Variants in RFT1 observed in about 807,000 individuals in gnomAD.
RFT1 encodes RFT1 glycolipid translocator homolog, also known as man(5)GlcNAc(2)-PP-dolichol translocation protein RFT1.
Under a neutral mutation model 62.2 loss-of-function variants are expected in RFT1, and 43 were observed. The ratio of observed to expected loss-of-function variants is 0.69; its 90% CI spans 0.54 to 0.89. The LOEUF (loss-of-function observed/expected upper bound fraction) is 0.89. Among genes scored for constraint, RFT1 ranks in the 40% least tolerant of loss-of-function variants. The probability of loss-of-function intolerance (pLI) is 0.00; values close to 1 mark genes in which losing one functional copy is unlikely to be tolerated. For missense variants in RFT1, 605 were observed against 649.9 expected, an observed-to-expected ratio of 0.93 and a Z score of 0.75; for synonymous variants, 262 against 264.6, an observed-to-expected ratio of 0.99 and a Z score of 0.10.
intron 7 of RFT1, among the ~76,000 whole-genome samples, chr3:53,107,750 T>C (rs1209036354): frequency 6.6e-6 from 1 of 151,788 alleles, no homozygotes; most frequent in African/African-American, 2.4e-5. Context: ...TTTCATGAAG[T>C]TTCTCATCTA....
chr3:53,097,601 A>G (rs1198589680), intron 11 of RFT1, among the ~76,000 whole-genome samples: 1 of 152,246 alleles, frequency 6.6e-6, no homozygotes, highest in Admixed American at 6.5e-5. Context: ...ATATTCCCTC[A>G]CAATTTGGTT....
chr3:53,115,342 T>G (rs917925438), intron 6 of RFT1, among the ~76,000 whole-genome samples: 3 of 152,072 alleles, frequency 2.0e-5, no homozygotes, highest in African/African-American at 7.2e-5. Flanking sequence ...GTATGAGGAC[T>G]GAATGAAAAA....
chr3:53,101,233 C>T (rs975405043), intron 10 of RFT1, among the ~76,000 whole-genome samples: 2 of 152,182 alleles, frequency 1.3e-5, no homozygotes, highest in Non-Finnish European at 1.5e-5. Flanking sequence ...CTTGTCAAGC[C>T]GCTGCAGGAA....
intron 10 of RFT1, among the ~76,000 whole-genome samples, chr3:53,099,955 T>C (rs540728888): frequency 7.6e-4 from 116 of 152,244 alleles, no homozygotes; most frequent in South Asian, 4.4e-3. Context: ...GCCACTGCAC[T>C]CCAGCCTGGG....
intron 7 of RFT1, among the ~76,000 whole-genome samples, chr3:53,109,140 T>G (rs1701576641): frequency 6.6e-6 from 1 of 152,108 alleles, no homozygotes; most frequent in Non-Finnish European, 1.5e-5. Flanking sequence ...TCCAGCTGCT[T>G]TGAGTCAGGC....
chr3:53,100,825 GGA>G (rs1701289458), intron 10 of RFT1, among the ~76,000 whole-genome samples: 1 of 152,058 alleles, frequency 6.6e-6, no homozygotes. Context: ...CTGGGGAAAT[GGA>G]GATATTCTAT....
intron 6 of RFT1, among the ~76,000 whole-genome samples, chr3:53,113,647 A>G (rs988887715): frequency 8.5e-5 from 13 of 152,240 alleles, no homozygotes; most frequent in African/African-American, 3.1e-4. Context: ...ATTTTAATAT[A>G]TTTTATTTAA....
intron 2 of RFT1, among the ~76,000 whole-genome samples, chr3:53,125,028 C>T (rs772998050): frequency 6.6e-6 from 1 of 152,114 alleles, no homozygotes; most frequent in Non-Finnish European, 1.5e-5. Context: ...ACATATTTCT[C>T]AAAGAATGGT....
chr3:53,106,946 C>T, intron 7 of RFT1, 77 bp from the exon 8 acceptor site: 1 of 1,081,136 alleles, frequency 9.2e-7, no homozygotes, highest in Non-Finnish European at 1.4e-6. Flanking sequence ...CACCAGCTAT[C>T]AACTTTTCCA....
In RFT1 at chr3:53,120,857, C is replaced by A. The variant is rs187782608; in HGVS notation, c.559-836G>T. On this transcript the variant is annotated intron_variant, in intron 5 of 12. Coordinates refer to ENST00000296292, the MANE Select transcript of RFT1 (RefSeq NM_052859.4). ...TAGGTGTGGGCCCCTCTGCTCTCCA[C>A]TCCCAACCATGCCTGAGACAAAGCC... Among the ~76,000 whole-genome samples the A allele has an allele frequency of 2.6e-5, 4 of 152,352 alleles. No homozygotes were observed. In the East Asian group the frequency reaches 5.8e-4, roughly 22 times the overall value.
At chr3:53,127,015 A>G (rs4687705) in intron 1 of RFT1, among the ~76,000 whole-genome samples, 150,002 of 152,362 alleles carry the variant, frequency 0.98, 73,896 homozygotes, top group Middle Eastern at 1. Context: ...TACCTAAAGT[A>G]TCACAGAGCA....
chr3:53,102,801 T>C (rs1701355767), intron 10 of RFT1, among the ~76,000 whole-genome samples: 1 of 152,188 alleles, frequency 6.6e-6, no homozygotes, highest in African/African-American at 2.4e-5. Flanking sequence ...CGAGTTCCAC[T>C]TTCAAAACTA....
chr3:53,087,150 T>G (rs1305099183), downstream of RFT1, among the ~76,000 whole-genome samples: 2 of 152,198 alleles, frequency 1.3e-5, no homozygotes, highest in Non-Finnish European at 2.9e-5. Flanking sequence ...GGCACGAGAA[T>G]TGCTTGCACC....
chr3:53,125,377 G>C (rs1702080599), intron 2 of RFT1, among the ~76,000 whole-genome samples: 1 of 152,194 alleles, frequency 6.6e-6, no homozygotes, highest in Non-Finnish European at 1.5e-5. Context: ...GAAACAAGCT[G>C]AGTCTAAAAG....
At chr3:53,123,455 C>T (rs1235092454) in intron 3 of RFT1, among the ~76,000 whole-genome samples, 3 of 152,176 alleles carry the variant, frequency 2.0e-5, no homozygotes. Flanking sequence ...GAAACCACCT[C>T]CAAAGAGGAT....
At chr3:53,069,038 C>T in the RFT1 span, among the ~76,000 whole-genome samples, 4 of 152,266 alleles carry the variant, frequency 2.6e-5, no homozygotes, top group Admixed American at 2.6e-4. Flanking sequence ...CTCCCAGGTT[C>T]ATGCGATTCT....
Position 53,130,141 on chromosome 3 carries a change from T to C in RFT1, c.63+197A>G, listed in dbSNP as rs1245296389. Among the ~76,000 whole-genome samples, 5 of 152,228 alleles carry C rather than the reference T, an allele frequency of 3.3e-5. No homozygotes were observed. The East Asian group carries it at 9.6e-4, about 29-fold the overall frequency. The stretch of plus-strand genomic sequence containing the variant: ...GTCTGCAGTCACCCGGCCTAGACTC[T>C]AAAGGCAGGCTCCTATCTCCGGGCC... On this transcript the variant is annotated intron_variant, in intron 1 of 12. Coordinates refer to ENST00000296292, the MANE Select transcript of RFT1 (RefSeq NM_052859.4).
chr3:53,108,816 C>T (rs1038834761), intron 7 of RFT1, among the ~76,000 whole-genome samples: 12 of 151,964 alleles, frequency 7.9e-5, no homozygotes, highest in Non-Finnish European at 1.8e-4. Flanking sequence ...TAACAGGCGC[C>T]TGCCACCACG....
chr3:53,117,034 C>T (rs916531593), intron 6 of RFT1, among the ~76,000 whole-genome samples: 4 of 152,236 alleles, frequency 2.6e-5, no homozygotes, highest in African/African-American at 7.2e-5. Context: ...GGGTAAGCCA[C>T]AGTCTAAAGC....
Sources: gnomAD v4.1 joint callset for allele counts (sites outside exome capture counted in the v4.1 genomes callset) on GRCh38, gnomAD v4.1.1 for gene constraint, MANE v1.5 for transcripts, NCBI Gene and HGNC (gene_info 2026-07-23, HGNC 2026-07-21) for gene names.